Variants in MACROD2 observed in about 807,000 individuals in gnomAD.
MACROD2 encodes the protein ADP-ribose glycohydrolase MACROD2.
A neutral mutation model predicts 70.4 loss-of-function variants in MACROD2; 36 were observed. The ratio of observed to expected loss-of-function variants is 0.51; its 90% CI spans 0.39 to 0.68. MACROD2 has a LOEUF of 0.68. Ranked by LOEUF, MACROD2 falls within the 30% of genes least tolerant of loss-of-function variation. The pLI is 0.00. For missense variants in MACROD2, 496 were observed against 538.4 expected, an observed-to-expected ratio of 0.92 and a Z score of 0.78; for synonymous variants, 172 against 178.8, an observed-to-expected ratio of 0.96 and a Z score of 0.30.
intron 3 of MACROD2, among the ~76,000 whole-genome samples, chr20:14,377,978 A>G (rs1245637546): frequency 6.6e-6 from 1 of 152,204 alleles, no homozygotes. Context: ...TGCATTCATA[A>G]GAGTGCAGGC....
At chr20:15,103,985 C>A (rs1368716304) in intron 5 of MACROD2, among the ~76,000 whole-genome samples, 1 of 152,078 alleles carries the variant, frequency 6.6e-6, no homozygotes, top group Non-Finnish European at 1.5e-5. Flanking sequence ...ATCTGATTTA[C>A]AGTTTTAAAA....
chr20:14,300,256 T>C (rs2082463331), intron 3 of MACROD2, among the ~76,000 whole-genome samples: 1 of 152,226 alleles, frequency 6.6e-6, no homozygotes, highest in African/African-American at 2.4e-5. Flanking sequence ...ACACATTCTT[T>C]TATGTGCATA....
chr20:14,793,720 T>A (rs902921163), intron 5 of MACROD2, among the ~76,000 whole-genome samples: 14 of 151,912 alleles, frequency 9.2e-5, no homozygotes, highest in Non-Finnish European at 1.3e-4. Flanking sequence ...GGCTGAGACC[T>A]CCACCCAGCT....
intron 3 of MACROD2, among the ~76,000 whole-genome samples, chr20:14,374,880 C>G (rs1052269977): frequency 2.0e-5 from 3 of 152,138 alleles, no homozygotes; most frequent in Non-Finnish European, 4.4e-5. Context: ...AATGGCACAT[C>G]TCTTTTCTCC....
chr20:15,162,198 G>T (rs1367813374), intron 5 of MACROD2, among the ~76,000 whole-genome samples: 1 of 152,002 alleles, frequency 6.6e-6, no homozygotes, highest in Non-Finnish European at 1.5e-5. Context: ...CCAAGTTTTT[G>T]TTTTTGTTTT....
chr20:16,020,064 T>A lies in MACROD2; in HGVS notation c.1154-21137T>A, dbSNP rs1482289763. Among the ~76,000 whole-genome samples the A allele has an allele frequency of 3.3e-5, 5 of 152,284 alleles. No homozygotes were observed. In the East Asian group the frequency reaches 7.7e-4, roughly 23 times the overall value. ...TCCCCTTAAATTCATTCACCTCAGC[T>A]AATCATGCAAATCTGTGATGACCCT... On this transcript the variant is annotated intron_variant, in intron 15 of 17. Coordinates refer to ENST00000684519, the MANE Select transcript of MACROD2 (RefSeq NM_001351661.2).
chr20:15,378,706 A>C (rs1228985315), intron 6 of MACROD2, among the ~76,000 whole-genome samples: 1 of 152,212 alleles, frequency 6.6e-6, no homozygotes, highest in Admixed American at 6.5e-5. Context: ...TCACTTTAAC[A>C]GTTAAAAAGT....
At chr20:15,777,182 T>A (rs1444819276) in intron 8 of MACROD2, among the ~76,000 whole-genome samples, 5 of 152,172 alleles carry the variant, frequency 3.3e-5, no homozygotes, top group African/African-American at 1.2e-4. Flanking sequence ...TACTACAGCA[T>A]AAATATGTTG....
At chr20:14,572,842 C>T (rs540103493) in intron 4 of MACROD2, among the ~76,000 whole-genome samples, 2 of 150,084 alleles carry the variant, frequency 1.3e-5, no homozygotes, top group African/African-American at 4.9e-5. Context: ...TATAATACTC[C>T]AATAAAATAT....
intron 5 of MACROD2, among the ~76,000 whole-genome samples, chr20:15,056,371 A>G (rs992299083): frequency 6.6e-6 from 1 of 152,064 alleles, no homozygotes; most frequent in African/African-American, 2.4e-5. Context: ...GCCTTGCCCC[A>G]AGCACTCAGA....
intron 4 of MACROD2, among the ~76,000 whole-genome samples, chr20:14,533,719 G>A (rs2244736): frequency 0.69 from 105,459 of 152,034 alleles, 36,991 homozygotes; most frequent in Middle Eastern, 0.73. Flanking sequence ...ATATACTATT[G>A]TATACCTCTT....
intron 6 of MACROD2, among the ~76,000 whole-genome samples, chr20:15,395,513 G>A (rs970390130): frequency 5.9e-5 from 9 of 152,008 alleles, no homozygotes; most frequent in Admixed American, 1.3e-4. Flanking sequence ...AATATTTTAG[G>A]CTTTGAAGAC....
At chr20:15,301,088 G>A (rs911916881) in intron 6 of MACROD2, among the ~76,000 whole-genome samples, 4 of 152,320 alleles carry the variant, frequency 2.6e-5, no homozygotes, top group African/African-American at 7.2e-5. Context: ...AGGACAGCGA[G>A]CAAGGTGACA....
At chr20:15,325,359 G>A (rs1331359372) in intron 6 of MACROD2, among the ~76,000 whole-genome samples, 1 of 152,118 alleles carries the variant, frequency 6.6e-6, no homozygotes, top group Non-Finnish European at 1.5e-5. Flanking sequence ...CCCAGCTAAA[G>A]CTTGAAACAC....
intron 5 of MACROD2, among the ~76,000 whole-genome samples, chr20:15,073,621 C>T (rs2075636025): frequency 6.6e-6 from 1 of 152,062 alleles, no homozygotes; most frequent in South Asian, 2.1e-4. Context: ...TATGTGTAAT[C>T]AATAGTAACA....
chr20:14,744,075 T>C (rs536424288), intron 5 of MACROD2, among the ~76,000 whole-genome samples: 31 of 152,312 alleles, frequency 2.0e-4, no homozygotes, highest in Non-Finnish European at 4.1e-4. Context: ...ATCATTCAAA[T>C]AGAGTTTGGA....
chr20:15,349,273 C>A (rs529083889), intron 6 of MACROD2, among the ~76,000 whole-genome samples: 8 of 152,086 alleles, frequency 5.3e-5, no homozygotes, highest in Admixed American at 4.6e-4. Context: ...GAAATGTATC[C>A]TTTTTCATTC....
intron 3 of MACROD2, among the ~76,000 whole-genome samples, chr20:14,469,775 A>G (rs937932476): frequency 2.0e-5 from 3 of 151,922 alleles, no homozygotes; most frequent in African/African-American, 7.2e-5. Flanking sequence ...TTTCAGCTCC[A>G]TCAGGTCATC....
intron 6 of MACROD2, among the ~76,000 whole-genome samples, chr20:15,386,581 A>G (rs2045715885): frequency 6.6e-6 from 1 of 152,216 alleles, no homozygotes; most frequent in Non-Finnish European, 1.5e-5. Context: ...TGCTGGGTCC[A>G]GGGCTGATGA....
Sources: allele counts gnomAD v4.1 joint callset (sites outside exome capture counted in the v4.1 genomes callset), GRCh38; gene constraint gnomAD v4.1.1; transcripts MANE v1.5; gene names NCBI Gene and HGNC (gene_info 2026-07-23, HGNC 2026-07-21).